GPM6A: variants seen among roughly 807,000 people sequenced by gnomAD.
The protein encoded by GPM6A is neuronal membrane glycoprotein M6-a.
GPM6A carries 7 observed loss-of-function variants against 32.1 expected under a neutral mutation model. The observed-to-expected ratio is 0.22, with a 90% CI of 0.12 to 0.41. The LOEUF is 0.41. Ranked by LOEUF, GPM6A falls within the 10% of genes least tolerant of loss-of-function variation. GPM6A has a pLI of 1.00. For missense variants in GPM6A, 235 were observed against 347.2 expected (o/e 0.68, Z 2.57); for synonymous variants, 130 against 123.4 (o/e 1.05, Z -0.35).
chr4:175,809,700 C>G (rs1053219829), intron 1 of GPM6A, among the ~76,000 whole-genome samples: 1 of 152,132 alleles, frequency 6.6e-6, no homozygotes, highest in African/African-American at 2.4e-5. Context: ...AAAGTTAGGA[C>G]TATTCTCAAT....
intron 1 of GPM6A, among the ~76,000 whole-genome samples, chr4:175,938,050 C>T (rs1002798487): frequency 6.6e-6 from 1 of 152,060 alleles, no homozygotes; most frequent in Non-Finnish European, 1.5e-5. Context: ...CTTTCTATAT[C>T]TTAGGCTCAC....
At chr4:175,800,149 T>C (rs983074552) in intron 1 of GPM6A, among the ~76,000 whole-genome samples, 73 of 152,136 alleles carry the variant, frequency 4.8e-4, no homozygotes, top group Non-Finnish European at 1.2e-4. Context: ...TTCCAATAAC[T>C]GTATAATTTG....
intron 2 of GPM6A, among the ~76,000 whole-genome samples, chr4:175,683,959 A>G (rs60259432): frequency 0.05 from 7,540 of 151,636 alleles, 211 homozygotes; most frequent in Non-Finnish European, 0.063. Context: ...AGCCTCCCGA[A>G]TTGCTGGGAT....
intron 1 of GPM6A, among the ~76,000 whole-genome samples, chr4:175,718,602 T>C (rs1261698971): frequency 6.6e-6 from 1 of 151,904 alleles, no homozygotes; most frequent in Admixed American, 6.6e-5. Flanking sequence ...GGTGACAGAC[T>C]AAGACTCTGT....
At chr4:175,667,896 T>C (rs1742836469) in intron 3 of GPM6A, among the ~76,000 whole-genome samples, 1 of 152,074 alleles carries the variant, frequency 6.6e-6, no homozygotes. Flanking sequence ...CAAAATAAAA[T>C]GTTGAACATT....
intron 1 of GPM6A, among the ~76,000 whole-genome samples, chr4:175,885,305 G>T (rs999908298): frequency 6.6e-6 from 1 of 152,172 alleles, no homozygotes; most frequent in South Asian, 2.1e-4. Context: ...TTTATAAAAG[G>T]TTCAAAAACA....
chr4:175,897,649 T>C lies in GPM6A; in HGVS notation c.-22-85400A>G, dbSNP rs1737839001. ...CGTTAGAGACCCATTCTTTGGAATA[T>C]AAGATATTTAAGATTAGGGAGGCAT... On this transcript the variant is annotated intron_variant, in intron 1 of 7. Transcript: ENST00000280187. 2.0e-5 allele frequency among the ~76,000 whole-genome samples: 3 copies of C among 152,178 alleles called. No homozygotes were observed. In the South Asian group the frequency reaches 6.2e-4, roughly 31 times the overall value.
At chr4:175,797,609 T>G (rs1734284750) in intron 1 of GPM6A, among the ~76,000 whole-genome samples, 1 of 152,146 alleles carries the variant, frequency 6.6e-6, no homozygotes, top group South Asian at 2.1e-4. Flanking sequence ...TAATCCAGAT[T>G]AAAGACTATA....
At chr4:175,895,811 T>C (rs1737778883) in intron 1 of GPM6A, among the ~76,000 whole-genome samples, 1 of 152,238 alleles carries the variant, frequency 6.6e-6, no homozygotes. Flanking sequence ...GTGCATTTTT[T>C]GTAATTACCT....
At chr4:175,860,791 T>A (rs146606479) in intron 1 of GPM6A, among the ~76,000 whole-genome samples, 33 of 152,284 alleles carry the variant, frequency 2.2e-4, no homozygotes, top group African/African-American at 7.5e-4. Context: ...AATCTTTCCT[T>A]AATGGTCAGC....
chr4:175,818,426 C>T (rs1377237097), intron 1 of GPM6A, among the ~76,000 whole-genome samples: 1 of 152,164 alleles, frequency 6.6e-6, no homozygotes, highest in African/African-American at 2.4e-5. Flanking sequence ...CTGCAATATA[C>T]ATATAGATAT....
intron 1 of GPM6A, among the ~76,000 whole-genome samples, chr4:175,898,257 G>A (rs1036357659): frequency 7.2e-5 from 11 of 152,044 alleles, no homozygotes; most frequent in Non-Finnish European, 1.2e-4. Context: ...TCACTTCAGT[G>A]GTTCATCACT....
At chr4:175,666,776 G>A (rs1742777666) in intron 3 of GPM6A, among the ~76,000 whole-genome samples, 1 of 152,154 alleles carries the variant, frequency 6.6e-6, no homozygotes, top group African/African-American at 2.4e-5. Context: ...TAATCACATT[G>A]ATGACAACAG....
At chr4:175,995,446 G>A (rs1048430790) in intron 1 of GPM6A, among the ~76,000 whole-genome samples, 2 of 151,472 alleles carry the variant, frequency 1.3e-5, no homozygotes, top group African/African-American at 2.4e-5. Flanking sequence ...ACAAGACAGG[G>A]TACGCCTGTA....
chr4:175,826,745 A>G (rs767199000), intron 1 of GPM6A, among the ~76,000 whole-genome samples: 1 of 152,028 alleles, frequency 6.6e-6, no homozygotes, highest in Non-Finnish European at 1.5e-5. Flanking sequence ...TTATTAATAA[A>G]CTCATGTTAC....
Position 175,693,122 on chromosome 4 carries a change from G to A in GPM6A, c.230+8453C>T, listed in dbSNP as rs571935182. Among the ~76,000 whole-genome samples, 390 of 151,848 alleles carry A rather than the reference G, an allele frequency of 2.6e-3. 4 individuals carry two copies. The highest frequency in any genetic ancestry group is 9.0e-3 in the African/African-American group (372 of 41,458). On this transcript the variant is annotated intron_variant, in intron 2 of 6. Transcript: ENST00000393658. ...ACATACCTTTCATATTTCAGTGCTC[G>A]AAGACAAGGAATTTGTCTTGCTCTG...
Position 175,752,350 on chromosome 4 carries a change from C to T in GPM6A, c.38-50583G>A, listed in dbSNP as rs936196019. On this transcript the variant is annotated intron_variant, in intron 1 of 6. Coordinates refer to ENST00000393658, the MANE Select transcript of GPM6A (RefSeq NM_201591.3). ...AATCTAAGCCTGCTGGTGGACAGCA[C>T]ACTAAACAGTTCCCTGATTTAGGAA... is the stretch of plus-strand genomic sequence containing the variant. Among the ~76,000 whole-genome samples, 9 of 152,230 alleles carry T rather than the reference C, an allele frequency of 5.9e-5. No individual in the cohort carries two copies. In the South Asian group the frequency reaches 1.7e-3, roughly 28 times the overall value.
At chr4:175,636,561 C>T (rs886528593) in intron 6 of GPM6A, among the ~76,000 whole-genome samples, 1 of 150,218 alleles carries the variant, frequency 6.7e-6, no homozygotes, top group African/African-American at 2.4e-5. Flanking sequence ...TTTGGGAGGC[C>T]AAGGCGGGTT....
chr4:175,663,248 G>A (rs1336393713), intron 3 of GPM6A, among the ~76,000 whole-genome samples: 1 of 152,126 alleles, frequency 6.6e-6, no homozygotes, highest in East Asian at 1.9e-4. Context: ...GCACACAGAC[G>A]TTTAAAGCAT....
Sources: allele counts gnomAD v4.1 joint callset (sites outside exome capture counted in the v4.1 genomes callset), GRCh38; gene constraint gnomAD v4.1.1; transcripts MANE v1.5; gene names NCBI Gene and HGNC (gene_info 2026-07-23, HGNC 2026-07-21).